INPP5D: variants seen among roughly 807,000 people sequenced by gnomAD.
The protein encoded by INPP5D is phosphatidylinositol 3,4,5-trisphosphate 5-phosphatase 1.
Under a neutral mutation model 122.9 loss-of-function variants are expected in INPP5D, and 33 were observed. The ratio of observed to expected loss-of-function variants is 0.27; its 90% CI spans 0.20 to 0.36. The LOEUF (loss-of-function observed/expected upper bound fraction) is 0.36, where lower values mean the gene tolerates loss of function less well. Among genes scored for constraint, INPP5D ranks in the 10% least tolerant of loss-of-function variants. INPP5D has a pLI of 1.00. For missense variants in INPP5D, 1,053 were observed against 1,412.7 expected (o/e 0.75, Z 4.08); for synonymous variants, 584 against 576.2 (o/e 1.01, Z -0.19).
chr2:233,103,488 A>C (rs1370314615), intron 2 of INPP5D, among the ~76,000 whole-genome samples: 1 of 152,114 alleles, frequency 6.6e-6, no homozygotes, highest in East Asian at 1.9e-4. Flanking sequence ...GGCTTGCCTC[A>C]TGTCAAAGGC....
At chr2:233,175,064 C>A (rs1007041340) in intron 17 of INPP5D, among the ~76,000 whole-genome samples, 3 of 151,188 alleles carry the variant, frequency 2.0e-5, no homozygotes, top group Non-Finnish European at 4.4e-5. Context: ...CGTCTCTATA[C>A]AAAATTAGCC....
At chr2:233,158,279 G>C (rs370008105) in intron 9 of INPP5D, 34 bp from the exon 10 acceptor site, 1 of 692,698 alleles carries the variant, frequency 1.4e-6, no homozygotes, top group South Asian at 1.5e-5. Context: ...TGAATGAGTG[G>C]ATGAATGAAT....
At chr2:233,108,678 T>C (rs1692528731) in intron 2 of INPP5D, among the ~76,000 whole-genome samples, 1 of 152,140 alleles carries the variant, frequency 6.6e-6, no homozygotes, top group South Asian at 2.1e-4. Context: ...CTACCAGAAA[T>C]TTGCCCCCTT....
At chr2:233,181,952 TG>T (rs1339299203) in intron 18 of INPP5D, among the ~76,000 whole-genome samples, 2 of 152,112 alleles carry the variant, frequency 1.3e-5, no homozygotes, top group African/African-American at 4.8e-5. Flanking sequence ...AAAGATTAGC[TG>T]GGCATGGTGA....
chr2:233,068,796 G>A (rs1330158748), intron 1 of INPP5D, among the ~76,000 whole-genome samples: 1 of 152,178 alleles, frequency 6.6e-6, no homozygotes, highest in East Asian at 1.9e-4. Flanking sequence ...CTTGGAGGAA[G>A]CACTCAGAGA....
At chr2:233,179,434 TACC>T (rs1447705959) in intron 18 of INPP5D, among the ~76,000 whole-genome samples, 2 of 152,352 alleles carry the variant, frequency 1.3e-5, no homozygotes, top group East Asian at 3.9e-4. Context: ...CTTGTAGAAT[TACC>T]ACTTACTGTT....
At chr2:233,069,557 T>C (rs1454127220) in intron 1 of INPP5D, among the ~76,000 whole-genome samples, 3 of 152,238 alleles carry the variant, frequency 2.0e-5, no homozygotes, top group Non-Finnish European at 4.4e-5. Flanking sequence ...CTGAGATTTC[T>C]AGCAGCATTA....
chr2:233,100,544 C>G lies in INPP5D; in HGVS notation c.198+21146C>G, dbSNP rs142930375. 1.6e-3 allele frequency among the ~76,000 whole-genome samples: 249 copies of G among 152,308 alleles called. No homozygotes were observed. The highest frequency in any genetic ancestry group is 6.8e-3 in the Middle Eastern group (2 of 294). ...TTCCCCCTGGCCTGCCCTCAGGTGT[C>G]CTGGCTCTCTCCTCTCAGCATCCCC... On this transcript the variant is annotated intron_variant, in intron 2 of 26. Coordinates refer to ENST00000445964, the MANE Select transcript of INPP5D (RefSeq NM_001017915.3). This position sits in a 1 kb window ranked among gnomAD's most constrained non-coding sequence, Gnocchi z 5.3.
chr2:233,073,118 G>C (rs1691424349), intron 1 of INPP5D, among the ~76,000 whole-genome samples: 1 of 152,194 alleles, frequency 6.6e-6, no homozygotes, highest in Non-Finnish European at 1.5e-5. Context: ...AGCCAAACCT[G>C]GGTAAAGCAG....
chr2:233,121,066 T>C (rs1414847843), intron 2 of INPP5D, among the ~76,000 whole-genome samples: 1 of 150,884 alleles, frequency 6.6e-6, no homozygotes, highest in Non-Finnish European at 1.5e-5. Context: ...AACTGGAAAA[T>C]AGGTATCTTG....
rs7605022 is a variant in INPP5D at position 233,188,330 on chromosome 2, G to A, written c.2359-1520G>A. On this transcript the variant is annotated intron_variant, in intron 21 of 26. Coordinates refer to ENST00000445964, the MANE Select transcript of INPP5D (RefSeq NM_001017915.3). This position sits in a 1 kb window ranked among gnomAD's most constrained non-coding sequence, Gnocchi z 4.7. ...CTAGATAGTTCTCCTCCCTGCCACC[G>A]CCTGCCAGGGTGGTGGTGTCGCACA... Among the ~76,000 whole-genome samples the A allele has an allele frequency of 6.6e-5, 10 of 151,848 alleles. No homozygotes were observed. Among genetic ancestry groups the A allele is most frequent in the Non-Finnish European group, 1.3e-4 (9 of 67,936 alleles).
intron 2 of INPP5D, among the ~76,000 whole-genome samples, chr2:233,107,962 A>G (rs951123985): frequency 3.9e-5 from 6 of 152,082 alleles, no homozygotes; most frequent in African/African-American, 1.4e-4. Context: ...GTCTCCAGAC[A>G]TGTGGTTTGG....
chr2:233,204,470 A>T lies in INPP5D; in HGVS notation c.3320A>T (p.Lys1107Met). 6.3e-7 allele frequency: 1 copy of T among 1,591,040 alleles called. No individual in the cohort carries two copies. Among genetic ancestry groups the T allele is most frequent in the East Asian group, 2.3e-5 (1 of 43,640 alleles). Residue 1107 changes from lysine to methionine, a missense_variant, in exon 26 of 27, where the codon AAG becomes ATG. This residue lies in a region of INPP5D where 417 missense variants were observed against 425.8 expected (regional missense o/e 0.98). Transcript: ENST00000445964. ...GGGGACAAGAGCCAAGGGAAGCCCAAGACCCCGGTCAGCTCCCAGGCCCCG... is the reference window on the plus strand; with the variant it reads ...GGGGACAAGAGCCAAGGGAAGCCCATGACCCCGGTCAGCTCCCAGGCCCCG... ...AGGDKSQGKP[K>M]TPVSSQAPVP...
chr2:233,089,164 A>T (rs1237389720), intron 2 of INPP5D, among the ~76,000 whole-genome samples: 2 of 152,058 alleles, frequency 1.3e-5, no homozygotes, highest in Non-Finnish European at 2.9e-5. Flanking sequence ...AGGTGACAAG[A>T]GAGAGCCTTG....
chr2:233,066,795 CAG>C (rs1253739745), intron 1 of INPP5D, among the ~76,000 whole-genome samples: 1 of 150,494 alleles, frequency 6.6e-6, no homozygotes, highest in Non-Finnish European at 1.5e-5. Flanking sequence ...CTTTTTGAGA[CAG>C]AGTCTCATCT....
At chr2:233,111,806 A>G (rs914996289) in intron 2 of INPP5D, among the ~76,000 whole-genome samples, 3 of 152,204 alleles carry the variant, frequency 2.0e-5, no homozygotes, top group Non-Finnish European at 4.4e-5. Context: ...CACGCCTGTG[A>G]TCCTAGCACT....
Position 233,164,239 on chromosome 2 carries a change from G to A in INPP5D, c.1438-68G>A. On this transcript the variant is annotated intron_variant, in intron 12 of 26. Transcript: ENST00000445964. This position sits in a 1 kb window ranked among gnomAD's most constrained non-coding sequence, Gnocchi z 4.3. Reference sequence around the variant, plus strand: ...CCAGGGGCTGCGGCTGGGGCTGGGTGTGAATCACTGTGCCCTGGTTCACAC... The same window carrying A: ...CCAGGGGCTGCGGCTGGGGCTGGGTATGAATCACTGTGCCCTGGTTCACAC... 6 of 1,490,324 alleles carry A rather than the reference G, an allele frequency of 4.0e-6. No individual in the cohort carries two copies. Among genetic ancestry groups the A allele is most frequent in the Non-Finnish European group, 5.4e-6 (6 of 1,114,342 alleles). The allele number at this position is 1,490,324 out of a possible 1,614,324, so 92.3% of individuals were successfully genotyped here.
chr2:233,195,209 A>C (rs1053884752), intron 23 of INPP5D, among the ~76,000 whole-genome samples, 190 bp from the exon 24 acceptor site: 8 of 150,258 alleles, frequency 5.3e-5, no homozygotes, highest in Non-Finnish European at 1.2e-4. Flanking sequence ...CTCTCTGTGG[A>C]TCCACTGCAG....
intron 9 of INPP5D, among the ~76,000 whole-genome samples, chr2:233,152,098 TAAGCTACTTAACTCCTCA>T (rs1693938771): frequency 6.6e-6 from 1 of 152,182 alleles, no homozygotes; most frequent in Non-Finnish European, 1.5e-5. Context: ...TGATCTCAAG[TAAGCTACTTAACTCCTCA>T]AAGCCTCAAT....
Sources: allele counts gnomAD v4.1 joint callset (sites outside exome capture counted in the v4.1 genomes callset), GRCh38; gene constraint gnomAD v4.1.1; regional missense constraint gnomAD v4.1.1; non-coding constraint Gnocchi (gnomAD v3.1); transcripts MANE v1.5; gene names NCBI Gene and HGNC (gene_info 2026-07-23, HGNC 2026-07-21).